VRK2: variants seen among roughly 807,000 people sequenced by gnomAD.
The protein encoded by VRK2 is serine/threonine-protein kinase VRK2.
In VRK2, 60 loss-of-function variants were observed where a neutral mutation model predicts 57.6. That is an observed-to-expected ratio of 1.04 (90% CI 0.85 to 1.29). The LOEUF is 1.29. VRK2 is among the 50% of genes most tolerant of loss of function. The pLI is 0.00. For missense variants in VRK2, 705 were observed against 588.1 expected, an observed-to-expected ratio of 1.20 and a Z score of -2.06; for synonymous variants, 231 against 199.2, an observed-to-expected ratio of 1.16 and a Z score of -1.35.
chr2:58,021,894 T>G (rs1191927597), intron 1 of VRK2, among the ~76,000 whole-genome samples: 1 of 152,242 alleles, frequency 6.6e-6, no homozygotes, highest in Non-Finnish European at 1.5e-5. Flanking sequence ...ACACTGTTTC[T>G]TCCTTTTGTC....
intron 10 of VRK2, among the ~76,000 whole-genome samples, chr2:58,137,182 CAT>C: frequency 5.7e-5 from 2 of 35,108 alleles, no homozygotes; most frequent in African/African-American, 1.6e-4. Flanking sequence ...TCATATATAT[CAT>C]ATATGATACA....
At chr2:58,126,689 G>A (rs902629022) in intron 8 of VRK2, among the ~76,000 whole-genome samples, 3 of 151,982 alleles carry the variant, frequency 2.0e-5, no homozygotes, top group Non-Finnish European at 4.4e-5. Flanking sequence ...AGTGGCTAAA[G>A]TGCATCATTT....
At chr2:58,127,413 C>G (rs935512371) in intron 8 of VRK2, among the ~76,000 whole-genome samples, 1 of 152,076 alleles carries the variant, frequency 6.6e-6, no homozygotes, top group Non-Finnish European at 1.5e-5. Flanking sequence ...AAGTTTCACA[C>G]ACACAAAACT....
intron 2 of VRK2, among the ~76,000 whole-genome samples, chr2:58,052,075 T>A (rs1218547287): frequency 6.6e-6 from 1 of 152,162 alleles, no homozygotes; most frequent in Non-Finnish European, 1.5e-5. Context: ...CCAAGTAAAT[T>A]ACGGGAGAAT....
intron 1 of VRK2, among the ~76,000 whole-genome samples, chr2:57,910,597 T>C (rs567416749): frequency 2.0e-5 from 3 of 152,334 alleles, no homozygotes; most frequent in African/African-American, 7.2e-5. Flanking sequence ...TTTGTTTATC[T>C]GAATGTGTTT....
chr2:57,970,587 A>G (rs1672067621), intron 1 of VRK2, among the ~76,000 whole-genome samples: 1 of 151,938 alleles, frequency 6.6e-6, no homozygotes, highest in Non-Finnish European at 1.5e-5. Context: ...AGGATATTGG[A>G]GAAAACCTCA....
intron 1 of VRK2, among the ~76,000 whole-genome samples, chr2:57,967,388 G>C (rs750278595): frequency 8.6e-5 from 13 of 151,462 alleles, no homozygotes; most frequent in South Asian, 6.2e-4. Flanking sequence ...ATAATAATAA[G>C]ATAGATAATC....
At chr2:58,065,359 G>T (rs1022330340) in intron 2 of VRK2, among the ~76,000 whole-genome samples, 8 of 151,972 alleles carry the variant, frequency 5.3e-5, no homozygotes, top group Non-Finnish European at 1.0e-4. Flanking sequence ...GAATGTATGG[G>T]ATTACTATAA....
chr2:57,948,156 A>C (rs1671318527), intron 1 of VRK2, among the ~76,000 whole-genome samples: 1 of 152,210 alleles, frequency 6.6e-6, no homozygotes, highest in African/African-American at 2.4e-5. Context: ...AAACTGACCA[A>C]GCTGATTTTG....
chr2:58,054,011 G>T (rs1463331375), intron 2 of VRK2, among the ~76,000 whole-genome samples: 1 of 152,054 alleles, frequency 6.6e-6, no homozygotes, highest in Non-Finnish European at 1.5e-5. Context: ...TAATACGTTT[G>T]TTGGACTTAC....
chr2:58,004,046 A>G (rs187206006), intron 1 of VRK2, among the ~76,000 whole-genome samples: 3 of 152,226 alleles, frequency 2.0e-5, no homozygotes, highest in Admixed American at 1.3e-4. Flanking sequence ...TAATTCAAAG[A>G]TTAATAGTTT....
intron 1 of VRK2, among the ~76,000 whole-genome samples, chr2:57,985,744 A>G (rs1487745588): frequency 6.6e-6 from 1 of 152,114 alleles, no homozygotes; most frequent in African/African-American, 2.4e-5. Flanking sequence ...AAAGGCATCC[A>G]TATTGGAAAA....
rs374003303 is a variant in VRK2, at chr2:58,154,002, T to G, written c.1183-5347T>G. Among the ~76,000 whole-genome samples the G allele has an allele frequency of 7.9e-5, 12 of 152,268 alleles. No homozygotes were observed. In the East Asian group the frequency reaches 1.7e-3, roughly 22 times the overall value. ...TATTTATCTCTTGCATTTTTATTATTTCATCTTGAGTTAGTTTTGGTAATT... is the reference window on the plus strand; with the variant it reads ...TATTTATCTCTTGCATTTTTATTATGTCATCTTGAGTTAGTTTTGGTAATT... On this transcript the variant is annotated intron_variant, in intron 12 of 12. Transcript: ENST00000340157.
rs77121766 is a variant in VRK2, at chr2:58,060,543, T to A, written c.136+11576T>A. Among the ~76,000 whole-genome samples, 42 of 151,736 alleles carry A rather than the reference T, an allele frequency of 2.8e-4. No individual in the cohort carries two copies. In the East Asian group the frequency reaches 7.7e-3, roughly 28 times the overall value. On this transcript the variant is annotated intron_variant, in intron 2 of 12. Transcript: ENST00000340157. ...AGATCTCAGTCACAGAAAAATGAGA[T>A]AAAGAGACCATCAAGAAGAAAAAAT...
rs1395685917 is a variant in VRK2 at position 58,159,331 on chromosome 2, T to C, written c.1183-18T>C. The C allele has an allele frequency of 2.6e-6, 4 of 1,564,942 alleles. No homozygotes were observed. The highest frequency in any genetic ancestry group is 2.6e-6 in the Non-Finnish European group (3 of 1,154,616). ...CTCACGTCTAACAAACTAAACTATA[T>C]ATGTATTTTTTCCATAGGAAAGCAC... On this transcript the variant is annotated intron_variant, in intron 12 of 12. Coordinates refer to ENST00000340157, the MANE Select transcript of VRK2 (RefSeq NM_006296.7).
chr2:58,085,047 T>C, intron 4 of VRK2, 97 bp downstream of exon 4: 3 of 1,132,400 alleles, frequency 2.6e-6, no homozygotes, highest in Non-Finnish European at 3.7e-6. Context: ...GAAAATTCTT[T>C]TCAATAGAAA....
chr2:58,065,319 T>C (rs1319659368), intron 2 of VRK2, among the ~76,000 whole-genome samples: 1 of 152,132 alleles, frequency 6.6e-6, no homozygotes, highest in African/African-American at 2.4e-5. Context: ...CATTGATCTA[T>C]TCTGCATCAC....
chr2:58,106,498 G>A (rs1284724812), intron 7 of VRK2, among the ~76,000 whole-genome samples: 1 of 151,966 alleles, frequency 6.6e-6, no homozygotes, highest in African/African-American at 2.4e-5. Context: ...AGTATTTAAG[G>A]CAGTCATAGT....
At chr2:58,068,371 C>G (rs1206841085) in intron 2 of VRK2, among the ~76,000 whole-genome samples, 3 of 152,094 alleles carry the variant, frequency 2.0e-5, no homozygotes, top group Non-Finnish European at 2.9e-5. Context: ...CCATCTTCAT[C>G]ATTTCTGATG....
Sources: gnomAD v4.1 joint callset for allele counts (sites outside exome capture counted in the v4.1 genomes callset) on GRCh38, gnomAD v4.1.1 for gene constraint, MANE v1.5 for transcripts, NCBI Gene and HGNC (gene_info 2026-07-23, HGNC 2026-07-21) for gene names.